CNTN4: variants seen among roughly 807,000 people sequenced by gnomAD.
CNTN4 encodes the protein contactin 4.
CNTN4 carries 77 observed loss-of-function variants against 122.5 expected under a neutral mutation model. That is an observed-to-expected ratio of 0.63 (90% confidence interval 0.52 to 0.76). The LOEUF (loss-of-function observed/expected upper bound fraction) is 0.76. Among genes scored for constraint, CNTN4 ranks in the 30% least tolerant of loss-of-function variants. The probability of loss-of-function intolerance (pLI) is 0.00; values close to 1 mark genes in which losing one functional copy is unlikely to be tolerated. For missense variants in CNTN4, 1,256 were observed against 1,259.1 expected, an observed-to-expected ratio of 1.00 and a Z score of 0.04; for synonymous variants, 512 against 447.0, an observed-to-expected ratio of 1.15 and a Z score of -1.83.
intron 2 of CNTN4, among the ~76,000 whole-genome samples, chr3:2,142,430 T>C (rs1046159443): frequency 1.3e-5 from 2 of 151,992 alleles, no homozygotes; most frequent in Non-Finnish European, 2.9e-5. Flanking sequence ...AATGGCATGA[T>C]CTCAGCTCAC....
At chr3:2,110,347 C>A (rs908321890) in intron 2 of CNTN4, 12 of 152,246 alleles carry the variant, frequency 7.9e-5, no homozygotes, top group Admixed American at 7.2e-4. Flanking sequence ...GTGCATGGCA[C>A]ATTGTAAGCA....
intron 2 of CNTN4, among the ~76,000 whole-genome samples, chr3:2,284,379 C>T (rs1042767509): frequency 6.6e-6 from 1 of 152,084 alleles, no homozygotes; most frequent in Non-Finnish European, 1.5e-5. Context: ...TTAGCTTGCT[C>T]TGGTGTTCAA....
intron 2 of CNTN4, among the ~76,000 whole-genome samples, chr3:2,298,383 A>T (rs1011714318): frequency 2.6e-5 from 4 of 152,012 alleles, no homozygotes; most frequent in Admixed American, 1.3e-4. Context: ...AACACACACT[A>T]CCTCATCTTT....
intron 2 of CNTN4, among the ~76,000 whole-genome samples, chr3:2,328,187 C>T (rs894370060): frequency 2.5e-4 from 38 of 152,090 alleles, no homozygotes; most frequent in Admixed American, 2.2e-3. Context: ...GGGCGGATCA[C>T]GGGGTCAGGA....
intron 3 of CNTN4, among the ~76,000 whole-genome samples, chr3:2,431,135 A>G (rs2048053836): frequency 6.6e-6 from 1 of 152,218 alleles, no homozygotes; most frequent in African/African-American, 2.4e-5. Flanking sequence ...TTTGTTTGTA[A>G]TATGAAAAAA....
intron 6 of CNTN4, among the ~76,000 whole-genome samples, chr3:2,800,987 C>G (rs538029657): frequency 2.0e-5 from 3 of 152,244 alleles, no homozygotes; most frequent in African/African-American, 7.2e-5. Flanking sequence ...TCCCAGCTCT[C>G]TCAATCCCTC....
At chr3:2,822,507 G>C (rs1221454666) in intron 7 of CNTN4, among the ~76,000 whole-genome samples, 1 of 152,160 alleles carries the variant, frequency 6.6e-6, no homozygotes, top group Non-Finnish European at 1.5e-5. Flanking sequence ...AGTTCACTTA[G>C]ACTAACACTT....
At chr3:3,041,625 C>A (rs138935943) in intron 20 of CNTN4, among the ~76,000 whole-genome samples, 2 of 152,192 alleles carry the variant, frequency 1.3e-5, no homozygotes, top group African/African-American at 4.8e-5. Context: ...AGCTGTGTAC[C>A]ATTTGTATAT....
At chr3:2,608,366 G>T (rs1037618796) in intron 4 of CNTN4, among the ~76,000 whole-genome samples, 2 of 152,162 alleles carry the variant, frequency 1.3e-5, no homozygotes. Flanking sequence ...AGGCTGAGGT[G>T]GGGGGATCAC....
intron 3 of CNTN4, among the ~76,000 whole-genome samples, chr3:2,469,405 T>A (rs1375803859): frequency 6.6e-6 from 1 of 152,236 alleles, no homozygotes; most frequent in East Asian, 1.9e-4. Flanking sequence ...TGTCCCATGT[T>A]AATTCTAACA....
intron 4 of CNTN4, among the ~76,000 whole-genome samples, chr3:2,608,193 C>G (rs962773164): frequency 6.6e-6 from 1 of 152,200 alleles, no homozygotes; most frequent in Non-Finnish European, 1.5e-5. Flanking sequence ...TAAATCCACT[C>G]AGATAAACAT....
rs963978763 is a variant in CNTN4 at position 2,965,412 on chromosome 3, C to T, written c.1359-22933C>T. Among the ~76,000 whole-genome samples, 12 of 152,194 alleles carry T rather than the reference C, an allele frequency of 7.9e-5. No homozygotes were observed. The East Asian group carries it at 2.3e-3, about 29-fold the overall frequency. Reference sequence around the variant, plus strand: ...ATTCTATGTCTGTGCTAATGCAATACAGTAGCCACTTGCCGTATGTGGGTA... The same window carrying T: ...ATTCTATGTCTGTGCTAATGCAATATAGTAGCCACTTGCCGTATGTGGGTA... On this transcript the variant is annotated intron_variant, in intron 13 of 24. Transcript: ENST00000418658.
At chr3:2,659,106 T>G (rs1338966097) in intron 4 of CNTN4, among the ~76,000 whole-genome samples, 1 of 152,104 alleles carries the variant, frequency 6.6e-6, no homozygotes, top group Non-Finnish European at 1.5e-5. Flanking sequence ...TCACATACTT[T>G]GTCTCATTAG....
chr3:2,902,772 T>A, intron 11 of CNTN4, 104 bp from the exon 12 acceptor site: 1 of 1,214,276 alleles, frequency 8.2e-7, no homozygotes, highest in South Asian at 1.3e-5. Flanking sequence ...ATATGATGGC[T>A]GTTTTCTTCC....
chr3:2,523,377 A>AT (rs1553679457), intron 3 of CNTN4, among the ~76,000 whole-genome samples: 21 of 150,080 alleles, frequency 1.4e-4, no homozygotes, highest in Middle Eastern at 6.9e-3. Flanking sequence ...AAAAAACAAA[A>AT]CTTTTTTCTA....
At chr3:2,405,774 G>A (rs78313392) in intron 3 of CNTN4, among the ~76,000 whole-genome samples, 445 of 152,280 alleles carry the variant, frequency 2.9e-3, no homozygotes, top group African/African-American at 9.6e-3. Context: ...TCTAATCCCA[G>A]TACTTTGAGA....
At position 3,012,510 on chromosome 3, in the gene CNTN4, C is replaced by T. The variant is rs150571467; in HGVS notation, c.1487-13592C>T. 9.2e-5 allele frequency among the ~76,000 whole-genome samples: 14 copies of T among 151,958 alleles called. No homozygotes were observed. The East Asian group carries it at 1.2e-3, about 13-fold the overall frequency. The stretch of plus-strand genomic sequence containing the variant: ...TGTTGCCCGGGCTGGAGTGCAATGG[C>T]GTGATCTCGGCTCACTGCAACCTCT... On this transcript the variant is annotated intron_variant, in intron 14 of 24. Coordinates refer to ENST00000418658, the MANE Select transcript of CNTN4 (RefSeq NM_175607.3).
Position 2,709,359 on chromosome 3 carries a change from T to C in CNTN4, c.56-26856T>C, listed in dbSNP as rs1412903271. 6.6e-6 allele frequency among the ~76,000 whole-genome samples: 1 copy of C among 152,148 alleles called. No individual in the cohort carries two copies. The highest frequency in any genetic ancestry group is 1.5e-5 in the Non-Finnish European group (1 of 68,030). On this transcript the variant is annotated intron_variant, in intron 4 of 24. Transcript: ENST00000418658. The surrounding 1 kb of genome is among the most constrained non-coding windows in gnomAD (Gnocchi z 5.0). ...TCTGGGGGTCCTTAAAAAATACTGA[T>C]GCGTAGGTCTCACGCCTGGTTAGGA... is the stretch of plus-strand genomic sequence containing the variant.
intron 2 of CNTN4, among the ~76,000 whole-genome samples, chr3:2,118,563 A>G (rs1025990233): frequency 6.6e-6 from 1 of 152,240 alleles, no homozygotes; most frequent in African/African-American, 2.4e-5. Context: ...TAATTTGTGC[A>G]TGTAAGTTAT....
Sources: gnomAD v4.1 joint callset for allele counts (sites outside exome capture counted in the v4.1 genomes callset) on GRCh38, gnomAD v4.1.1 for gene constraint, Gnocchi (gnomAD v3.1) non-coding constraint, MANE v1.5 for transcripts, NCBI Gene and HGNC (gene_info 2026-07-23, HGNC 2026-07-21) for gene names.